The following VPS13B variants were observed in gnomAD, a reference collection of about 807,000 sequenced individuals.
VPS13B encodes the protein vacuolar protein sorting 13 homolog B.
A neutral mutation model predicts 426.4 loss-of-function variants in VPS13B; 285 were observed. The ratio of observed to expected loss-of-function variants is 0.67; its 90% CI spans 0.61 to 0.74. The LOEUF is 0.74. Among genes scored for constraint, VPS13B ranks in the 30% least tolerant of loss-of-function variants. The pLI is 0.00. For missense variants in VPS13B, 4,537 were observed against 4,782.6 expected (o/e 0.95, Z 1.51); for synonymous variants, 1,676 against 1,676.4 (o/e 1.00, Z 0.01).
At chr8:99,849,485 T>G (rs1254505794) in intron 55 of VPS13B, among the ~76,000 whole-genome samples, 1 of 152,216 alleles carries the variant, frequency 6.6e-6, no homozygotes, top group Admixed American at 6.5e-5. Context: ...AATGCTAATT[T>G]ATCAAATTAA....
At chr8:99,307,114 A>G (rs1170973177) in intron 19 of VPS13B, among the ~76,000 whole-genome samples, 6 of 152,128 alleles carry the variant, frequency 3.9e-5, no homozygotes. Flanking sequence ...GTTAACATTA[A>G]AGAGCACTCC....
chr8:99,573,936 G>A (rs553841571), intron 31 of VPS13B, among the ~76,000 whole-genome samples: 2 of 152,274 alleles, frequency 1.3e-5, no homozygotes, highest in African/African-American at 4.8e-5. Flanking sequence ...CCATGAGCAT[G>A]GAATGTCCTT....
At chr8:99,300,880 G>A (rs1588224271) in intron 19 of VPS13B, among the ~76,000 whole-genome samples, 1 of 123,774 alleles carries the variant, frequency 8.1e-6, no homozygotes, top group South Asian at 2.7e-4. Context: ...ATTTAATATA[G>A]TTTTTTTTTT....
chr8:99,794,317 T>C (rs1162165560), intron 43 of VPS13B, among the ~76,000 whole-genome samples: 1 of 151,982 alleles, frequency 6.6e-6, no homozygotes, highest in Admixed American at 6.6e-5. Flanking sequence ...AAGGAGAGAG[T>C]GCTAAGAGAA....
chr8:99,061,278 T>C (rs977124101), intron 3 of VPS13B, among the ~76,000 whole-genome samples: 1 of 150,994 alleles, frequency 6.6e-6, no homozygotes, highest in Non-Finnish European at 1.5e-5. Context: ...GTTTTGATGA[T>C]TAGATGCTGC....
chr8:99,101,063 G>C (rs747079018), intron 4 of VPS13B, among the ~76,000 whole-genome samples: 5 of 151,828 alleles, frequency 3.3e-5, no homozygotes, highest in Non-Finnish European at 7.4e-5. Flanking sequence ...AAAGTTCCCT[G>C]TTCATGACAG....
chr8:99,190,262 C>T (rs1252463586), intron 16 of VPS13B, among the ~76,000 whole-genome samples: 3 of 151,080 alleles, frequency 2.0e-5, no homozygotes, highest in East Asian at 3.9e-4. Context: ...TTGTTTTGCT[C>T]GTTCGTTTAC....
intron 5 of VPS13B, among the ~76,000 whole-genome samples, chr8:99,110,836 G>T (rs1847320790): frequency 6.6e-6 from 1 of 151,892 alleles, no homozygotes. Flanking sequence ...GTGCCATGCA[G>T]ATTGGGGCAA....
chr8:99,336,785 G>C (rs1810904774), intron 19 of VPS13B, among the ~76,000 whole-genome samples: 1 of 152,208 alleles, frequency 6.6e-6, no homozygotes, highest in Non-Finnish European at 1.5e-5. Flanking sequence ...CTGGCCATCA[G>C]AGAAATGCAA....
At chr8:99,712,349 C>T (rs1053533331) in intron 36 of VPS13B, among the ~76,000 whole-genome samples, 1 of 152,144 alleles carries the variant, frequency 6.6e-6, no homozygotes, top group Non-Finnish European at 1.5e-5. Flanking sequence ...GGGTCATGTT[C>T]CCAAAAGTAT....
At position 99,778,884 on chromosome 8, in the gene VPS13B, A is replaced by G; in HGVS notation, c.7632A>G (p.Lys2544=). 6.2e-7 allele frequency: 1 copy of G among 1,613,960 alleles called. No homozygotes were observed. Among genetic ancestry groups the G allele is most frequent in the Non-Finnish European group, 8.5e-7 (1 of 1,179,920 alleles). Residue 2544 remains lysine, a synonymous_variant, in exon 42 of 62, where the codon AAA becomes AAG. Transcript: ENST00000357162. ...ATGTCACTATGCAAAGTGTGGTGAA[A>G]CCCTTCAGCATCTTCGGGCAGATGG... ...CRNVTMQSVV[K]PFSIFGQMAV...
chr8:99,338,617 A>G (rs2133177820), intron 19 of VPS13B, among the ~76,000 whole-genome samples: 1 of 152,292 alleles, frequency 6.6e-6, no homozygotes, highest in South Asian at 2.1e-4. Context: ...ACATATAAAA[A>G]TGGATTCAAT....
chr8:99,519,462 A>C (rs1312440431), intron 29 of VPS13B, among the ~76,000 whole-genome samples: 3 of 152,200 alleles, frequency 2.0e-5, no homozygotes, highest in African/African-American at 7.2e-5. Flanking sequence ...GGATGTACCC[A>C]AAGGATTATA....
intron 19 of VPS13B, among the ~76,000 whole-genome samples, chr8:99,290,856 CTGTGGATT>C (rs947837833): frequency 6.6e-6 from 1 of 151,910 alleles, no homozygotes; most frequent in African/African-American, 2.4e-5. Context: ...TAAATAATTT[CTGTGGATT>C]TGAAGATTTG....
intron 16 of VPS13B, among the ~76,000 whole-genome samples, chr8:99,171,553 T>C (rs1812333815): frequency 6.6e-6 from 1 of 151,998 alleles, no homozygotes; most frequent in East Asian, 1.9e-4. Context: ...ATTTGAAGGA[T>C]ACAAAGAGGG....
chr8:99,537,094 A>G (rs565082449), intron 30 of VPS13B, among the ~76,000 whole-genome samples: 1 of 152,286 alleles, frequency 6.6e-6, no homozygotes, highest in African/African-American at 2.4e-5. Flanking sequence ...TTTTCAAATA[A>G]TAACGTATAT....
chr8:99,599,124 A>G (rs1563817455), intron 33 of VPS13B, among the ~76,000 whole-genome samples: 1 of 151,980 alleles, frequency 6.6e-6, no homozygotes, highest in Non-Finnish European at 1.5e-5. Context: ...AGCATGATAA[A>G]TTTACATTTT....
chr8:99,013,835 G>A lies in VPS13B; in HGVS notation c.47G>A (p.Arg16His). ...VTPILMSYVN[R>H]YIKNLKPSDL... Reference sequence around the variant, plus strand: ...CCAATTTTAATGAGCTATGTGAATCGCTACATCAAGAACTTAAAGCCGTCG... The same window carrying A: ...CCAATTTTAATGAGCTATGTGAATCACTACATCAAGAACTTAAAGCCGTCG... The change falls in exon 2 of 62, where the codon CGC becomes CAC. Residue 16 changes from arginine (R) to histidine (H), a missense_variant. By Grantham distance (29) the Arg-to-His change is conservative. Around this residue, in one of 2 missense-constraint regions of VPS13B, gnomAD observed 226 missense variants for 308.3 expected, o/e 0.73. Coordinates refer to ENST00000357162, the MANE Select transcript of VPS13B (RefSeq NM_152564.5). The A allele has an allele frequency of 6.2e-7, 1 of 1,614,114 alleles. No homozygotes were observed. Among genetic ancestry groups the A allele is most frequent in the Non-Finnish European group, 8.5e-7 (1 of 1,180,030 alleles).
intron 17 of VPS13B, among the ~76,000 whole-genome samples, chr8:99,260,473 G>A (rs1817985397): frequency 6.6e-6 from 1 of 152,022 alleles, no homozygotes; most frequent in Non-Finnish European, 1.5e-5. Context: ...ATAAATAAAT[G>A]GCATGATCTG....
Sources: gnomAD v4.1 joint callset for allele counts (sites outside exome capture counted in the v4.1 genomes callset) on GRCh38, gnomAD v4.1.1 for gene constraint, gnomAD v4.1.1 regional missense constraint, MANE v1.5 for transcripts, NCBI Gene and HGNC (gene_info 2026-07-23, HGNC 2026-07-21) for gene names.